EYS: variants seen among roughly 807,000 people sequenced by gnomAD.
The protein encoded by EYS is EGF-like photoreceptor maintenance factor, also known as protein eyes shut homolog.
Under a neutral mutation model 282.1 loss-of-function variants are expected in EYS, and 250 were observed. The observed-to-expected ratio is 0.89, with a 90% CI of 0.80 to 0.98. The LOEUF (loss-of-function observed/expected upper bound fraction) is 0.98, where lower values mean the gene tolerates loss of function less well. Ranked by LOEUF, EYS falls within the 50% of genes least tolerant of loss-of-function variation. The pLI is 0.00. For synonymous variants in EYS, 1,355 were observed against 1,282.9 expected (o/e 1.06, Z -1.20); for missense variants, 4,016 against 3,709.0 (o/e 1.08, Z -2.15).
intron 2 of EYS, among the ~76,000 whole-genome samples, chr6:65,585,834 C>T (rs1167111140): frequency 6.6e-6 from 1 of 151,748 alleles, no homozygotes; most frequent in African/African-American, 2.4e-5. Context: ...ATAAAAGCTT[C>T]ACTTATAGAA....
intron 32 of EYS, among the ~76,000 whole-genome samples, chr6:64,077,630 G>A (rs1311131787): frequency 6.6e-6 from 1 of 151,872 alleles, no homozygotes; most frequent in African/African-American, 2.4e-5. Context: ...CCTGGGACTT[G>A]GTCAGATGTC....
At chr6:65,461,423 T>C (rs1260177845) in intron 5 of EYS, among the ~76,000 whole-genome samples, 4 of 152,142 alleles carry the variant, frequency 2.6e-5, no homozygotes, top group Non-Finnish European at 5.9e-5. Context: ...CTCTAACTCA[T>C]CGACTTCCAG....
chr6:64,445,632 A>G (rs954994749), intron 26 of EYS, among the ~76,000 whole-genome samples: 1 of 152,204 alleles, frequency 6.6e-6, no homozygotes, highest in African/African-American at 2.4e-5. Context: ...TAAAATACCT[A>G]GATTACTCCT....
intron 12 of EYS, among the ~76,000 whole-genome samples, chr6:65,232,847 A>G (rs1272572136): frequency 6.6e-6 from 1 of 152,104 alleles, no homozygotes; most frequent in Non-Finnish European, 1.5e-5. Flanking sequence ...GGCAATCACT[A>G]ATCAACTTAT....
intron 12 of EYS, among the ~76,000 whole-genome samples, chr6:65,151,019 G>A (rs1274839252): frequency 6.6e-6 from 1 of 151,846 alleles, no homozygotes; most frequent in Admixed American, 6.6e-5. Flanking sequence ...AATGTTTCTT[G>A]AGTTTACAAT....
intron 12 of EYS, among the ~76,000 whole-genome samples, chr6:65,139,143 G>A (rs138041314): frequency 1.5e-4 from 23 of 152,002 alleles, no homozygotes; most frequent in African/African-American, 4.6e-4. Flanking sequence ...TATGTTCATC[G>A]CAGCACTATT....
chr6:65,222,517 A>G (rs964527526), intron 12 of EYS, among the ~76,000 whole-genome samples: 1 of 151,712 alleles, frequency 6.6e-6, no homozygotes, highest in African/African-American at 2.4e-5. Flanking sequence ...AGTCCATTAA[A>G]CCTCTTTCCT....
intron 26 of EYS, among the ~76,000 whole-genome samples, chr6:64,497,028 A>G (rs1776910232): frequency 6.6e-6 from 1 of 152,120 alleles, no homozygotes; most frequent in Admixed American, 6.6e-5. Flanking sequence ...CACTTCCACT[A>G]AATTCTGAGT....
intron 35 of EYS, among the ~76,000 whole-genome samples, chr6:63,954,165 C>G (rs971180061): frequency 6.6e-6 from 1 of 152,182 alleles, no homozygotes; most frequent in East Asian, 1.9e-4. Flanking sequence ...TATCTCTGAT[C>G]CACCTGACAT....
At chr6:64,329,629 T>C (rs371403550) in intron 29 of EYS, among the ~76,000 whole-genome samples, 10 of 152,232 alleles carry the variant, frequency 6.6e-5, no homozygotes, top group African/African-American at 9.6e-5. Flanking sequence ...ACTTACCCAG[T>C]GTGAATCTGT....
intron 29 of EYS, among the ~76,000 whole-genome samples, chr6:64,386,808 C>A (rs748750668): frequency 5.9e-5 from 9 of 152,166 alleles, no homozygotes; most frequent in Non-Finnish European, 8.8e-5. Context: ...TGCCAAAATA[C>A]CTTTTTTGTT....
chr6:65,141,929 G>A (rs1298122824), intron 12 of EYS, among the ~76,000 whole-genome samples: 1 of 151,890 alleles, frequency 6.6e-6, no homozygotes, highest in Admixed American at 6.6e-5. Context: ...AAATTTTTGA[G>A]GAAGTTTGGT....
intron 12 of EYS, among the ~76,000 whole-genome samples, chr6:65,294,820 A>G (rs1582110149): frequency 1.3e-5 from 2 of 152,088 alleles, no homozygotes; most frequent in Admixed American, 6.6e-5. Flanking sequence ...CTATATTTTA[A>G]CAATGCTAGC....
At chr6:65,648,025 T>TAAAA (rs1398947392) in intron 1 of EYS, among the ~76,000 whole-genome samples, 1 of 151,796 alleles carries the variant, frequency 6.6e-6, no homozygotes. Flanking sequence ...AAATAAAAAA[T>TAAAA]AATAGATCTT....
chr6:64,768,574 A>G (rs1773424359), intron 22 of EYS, among the ~76,000 whole-genome samples: 1 of 152,216 alleles, frequency 6.6e-6, no homozygotes, highest in South Asian at 2.1e-4. Context: ...CATTTCCCTT[A>G]AATGTGTCCC....
intron 28 of EYS, among the ~76,000 whole-genome samples, chr6:64,414,791 GC>G (rs1774012882): frequency 1.3e-5 from 2 of 152,064 alleles, no homozygotes; most frequent in Admixed American, 1.3e-4. Context: ...GGATGATCAA[GC>G]AAAACAATCA....
At chr6:65,218,322 A>G (rs546543338) in intron 12 of EYS, among the ~76,000 whole-genome samples, 5 of 152,244 alleles carry the variant, frequency 3.3e-5, no homozygotes, top group African/African-American at 1.2e-4. Context: ...TTACAGGAAA[A>G]AAAATTTAGT....
chr6:64,998,947 T>A (rs1239382652), intron 13 of EYS, among the ~76,000 whole-genome samples: 1 of 152,170 alleles, frequency 6.6e-6, no homozygotes, highest in East Asian at 1.9e-4. Flanking sequence ...ACTTTCAGCA[T>A]TGATGTTACG....
intron 15 of EYS, among the ~76,000 whole-genome samples, chr6:64,924,950 A>T (rs1768468703): frequency 6.6e-6 from 1 of 152,148 alleles, no homozygotes. Flanking sequence ...TCTGACTATT[A>T]CCCAGTTCCA....
Sources: allele counts gnomAD v4.1 joint callset (sites outside exome capture counted in the v4.1 genomes callset), GRCh38; gene constraint gnomAD v4.1.1; transcripts MANE v1.5; gene names NCBI Gene and HGNC (gene_info 2026-07-23, HGNC 2026-07-21).